The following DNAH1 variants were observed in gnomAD, a reference collection of about 807,000 sequenced individuals.
DNAH1 encodes the protein dynein axonemal heavy chain 1.
In DNAH1, 327 loss-of-function variants were observed where a neutral mutation model predicts 484.3. The observed-to-expected ratio is 0.68, with a 90% CI of 0.62 to 0.74. DNAH1 has a LOEUF of 0.74. Among genes scored for constraint, DNAH1 ranks in the 30% least tolerant of loss-of-function variants. The probability of loss-of-function intolerance (pLI) is 0.00; values close to 1 mark genes in which losing one functional copy is unlikely to be tolerated. For missense variants in DNAH1, 5,052 were observed against 5,546.8 expected, an observed-to-expected ratio of 0.91 and a Z score of 2.83; for synonymous variants, 2,192 against 2,191.9, an observed-to-expected ratio of 1.00 and a Z score of 0.00.
intron 8 of DNAH1, among the ~76,000 whole-genome samples, chr3:52,344,005 A>G (rs746831650): frequency 1.2e-4 from 18 of 152,172 alleles, no homozygotes; most frequent in Non-Finnish European, 2.1e-4. Flanking sequence ...GGGGTCACCC[A>G]CCCTCAGGCC....
At chr3:52,370,915 G>A (rs1411042061) in intron 41 of DNAH1, 90 bp downstream of exon 41, 20 of 1,309,328 alleles carry the variant, frequency 1.5e-5, no homozygotes, top group South Asian at 4.0e-5. Flanking sequence ...ACAGGGAGCC[G>A]TCACATTGAT....
At chr3:52,394,399 G>A (rs1704525316) in intron 66 of DNAH1, 66 bp from the exon 67 acceptor site, 1 of 1,513,818 alleles carries the variant, frequency 6.6e-7, no homozygotes. Context: ...ACTACTGGGT[G>A]GGGGTGCCCA....
At chr3:52,346,405 C>T (rs192180532) in intron 10 of DNAH1, 67 bp from the exon 11 acceptor site, 18 of 1,480,084 alleles carry the variant, frequency 1.2e-5, no homozygotes, top group East Asian at 2.4e-5. Context: ...TGCATAGAGT[C>T]CCTGAGTGCA....
intron 67 of DNAH1, 27 bp downstream of exon 67, chr3:52,394,688 G>T (rs753851176): frequency 1.3e-6 from 2 of 1,547,438 alleles, no homozygotes; most frequent in Non-Finnish European, 1.7e-6. Context: ...AATATGGCAG[G>T]ATGAGCCCAT....
In DNAH1 at chr3:52,353,832, C is replaced by G; in HGVS notation, c.3480+199C>G. ...AAATTCTTGACAGTGTCCACCATTG[C>G]TATTATTTTTCAGTTACTCCTCTCA... On this transcript the variant is annotated intron_variant, in intron 20 of 77. Transcript: ENST00000420323. This position sits in a 1 kb window ranked among gnomAD's most constrained non-coding sequence, Gnocchi z 5.0. 1.4e-6 allele frequency: 1 copy of G among 732,626 alleles called. No individual in the cohort carries two copies. The highest frequency in any genetic ancestry group is 1.9e-5 in the South Asian group (1 of 52,414). The allele number at this position is 732,626 out of a possible 1,614,324, so 45.4% of individuals were successfully genotyped here. A position where few individuals can be genotyped will look rare whatever the true frequency, so the allele number is the denominator to read the frequency against.
intron 44 of DNAH1, among the ~76,000 whole-genome samples, 162 bp downstream of exon 44, chr3:52,373,215 C>T (rs899372820): frequency 9.2e-5 from 14 of 151,854 alleles, no homozygotes; most frequent in Non-Finnish European, 1.6e-4. Flanking sequence ...GGGGGAGGGG[C>T]GGAGAGACGC....
At position 52,388,329 on chromosome 3, in the gene DNAH1, A is replaced by G. The variant is rs969211916; in HGVS notation, c.9166A>G (p.Lys3056Glu). 6.2e-7 allele frequency: 1 copy of G among 1,602,872 alleles called. No individual in the cohort carries two copies. Among genetic ancestry groups the G allele is most frequent in the Admixed American group, 1.7e-5 (1 of 57,978 alleles). The stretch of plus-strand genomic sequence containing the variant: ...CTTTGTGGCCAAGGCCGTGGAGCCC[A>G]AGCGGGTGAGGGCTGAGTGGAGCTG... ...YHFVAKAVEP[K>E]RQALLEAQDD... Residue 3056 changes from lysine to glutamate, a missense_variant, in exon 57 of 78, where the codon AAG becomes GAG. Lys to Glu is a moderately conservative substitution (Grantham distance 56, BLOSUM62 1). Coordinates refer to ENST00000420323, the MANE Select transcript of DNAH1 (RefSeq NM_015512.5).
chr3:52,333,819 C>G (rs1252626475), intron 8 of DNAH1, among the ~76,000 whole-genome samples: 1 of 152,010 alleles, frequency 6.6e-6, no homozygotes, highest in Non-Finnish European at 1.5e-5. Context: ...AGATTTTAAA[C>G]ACTTTATTAT....
Position 52,398,052 on chromosome 3 carries a change from A to G in DNAH1, c.11979A>G (p.Gln3993=). The G allele has an allele frequency of 6.2e-7, 1 of 1,613,816 alleles. No individual in the cohort carries two copies. The highest frequency in any genetic ancestry group is 2.2e-5 in the East Asian group (1 of 44,876). Residue 3993 remains glutamine, a synonymous_variant, in exon 75 of 78, where the codon CAA becomes CAG. Coordinates refer to ENST00000420323, the MANE Select transcript of DNAH1 (RefSeq NM_015512.5). ...TGCAGATAGTGGAGGACGTCACCCA[A>G]AACATTCTGCTCAAGGTGCCTGAGC... ...GREEIVEDVT[Q]NILLKVPEPI... is the part of the protein sequence containing the mutation.
intron 14 of DNAH1, 64 bp from the exon 15 acceptor site, chr3:52,349,925 G>A: frequency 6.5e-7 from 1 of 1,540,742 alleles, no homozygotes; most frequent in South Asian, 1.2e-5. Flanking sequence ...CAAGGAGGAA[G>A]AGCAGGTGAG....
chr3:52,313,937 G>A (rs1292953926), upstream of DNAH1, among the ~76,000 whole-genome samples: 5 of 152,140 alleles, frequency 3.3e-5, no homozygotes, highest in Admixed American at 2.0e-4. Flanking sequence ...TGAGTCATCA[G>A]AATAATCCAG....
intron 52 of DNAH1, 115 bp downstream of exon 52, chr3:52,384,146 T>G: frequency 8.7e-7 from 1 of 1,153,804 alleles, no homozygotes; most frequent in Non-Finnish European, 1.2e-6. Flanking sequence ...GGGTAAGCTT[T>G]TGGTCAGGCT....
chr3:52,382,931 A>G (rs1357738897), intron 50 of DNAH1, among the ~76,000 whole-genome samples: 1 of 152,158 alleles, frequency 6.6e-6, no homozygotes, highest in African/African-American at 2.4e-5. Context: ...AATGTGCCCC[A>G]TCCTAGACAA....
chr3:52,366,022 C>T (rs1473404262), intron 34 of DNAH1, among the ~76,000 whole-genome samples: 1 of 152,236 alleles, frequency 6.6e-6, no homozygotes, highest in African/African-American at 2.4e-5. Context: ...CCCTGTGGGC[C>T]TGGCTTCTGC....
chr3:52,376,320 T>C (rs1703598725), intron 46 of DNAH1, among the ~76,000 whole-genome samples: 1 of 152,212 alleles, frequency 6.6e-6, no homozygotes, highest in Non-Finnish European at 1.5e-5. Flanking sequence ...GGAGCAGGTG[T>C]GCACAGGAAA....
In DNAH1 at chr3:52,347,951, C is replaced by A. The variant is rs751919243; in HGVS notation, c.2083C>A (p.His695Asn). Residue 695 changes from histidine (H) to asparagine (N), a missense_variant, in exon 12 of 78, where the codon CAT becomes AAT. Around this residue, in one of 4 missense-constraint regions of DNAH1, gnomAD observed 1,263 missense variants for 1,218.8 expected, o/e 1.04. Transcript: ENST00000420323. ...NLFDKGILAT[H>N]AVPQLEKLVM... ...CTTCGACAAGGGCATCCTGGCCACC[C>A]ATGCCGTGCCCCAGCTGGAGAAGGT... 1.4e-5 allele frequency: 23 copies of A among 1,610,204 alleles called. No homozygotes were observed. In the Admixed American group the frequency reaches 3.7e-4, roughly 26 times the overall value.
Position 52,365,095 on chromosome 3 carries a change from C to T in DNAH1, c.5518+76C>T, listed in dbSNP as rs1387445507. On this transcript the variant is annotated intron_variant, in intron 34 of 77. Coordinates refer to ENST00000420323, the MANE Select transcript of DNAH1 (RefSeq NM_015512.5). Reference sequence around the variant, plus strand: ...GGAGTCCAGGTCAGGGGGACAGAGACAGGACAGTCCAACCCCAGGGGCCCT... The same window carrying T: ...GGAGTCCAGGTCAGGGGGACAGAGATAGGACAGTCCAACCCCAGGGGCCCT... The T allele has an allele frequency of 1.8e-5, 27 of 1,525,766 alleles. No individual in the cohort carries two copies. The East Asian group carries it at 5.9e-4, about 34-fold the overall frequency. 94.5% of individuals were successfully genotyped at this position (1,525,766 alleles called of 1,614,324 possible). A position where few individuals can be genotyped will look rare whatever the true frequency, so the allele number is the denominator to read the frequency against.
chr3:52,370,776 G>A lies in DNAH1; in HGVS notation c.6476G>A (p.Gly2159Asp). 1 of 1,607,630 alleles carries A rather than the reference G, an allele frequency of 6.2e-7. No individual in the cohort carries two copies. Among genetic ancestry groups the A allele is most frequent in the Non-Finnish European group, 8.5e-7 (1 of 1,177,462 alleles). The part of the protein sequence containing the change: ...LVFDYRLEDA[G>D]ISGTNDSEDE... ...TTCGATTACAGGCTGGAGGACGCGGGCATCAGTGGCACCAACGACAGTGAG... is the reference window on the plus strand; with the variant it reads ...TTCGATTACAGGCTGGAGGACGCGGACATCAGTGGCACCAACGACAGTGAG... Residue 2159 changes from glycine to aspartate, a missense_variant, in exon 41 of 78, where the codon GGC becomes GAC. By Grantham distance (94) the Gly-to-Asp change is moderately conservative. This residue lies in a region of DNAH1 where 2,929 missense variants were observed against 3,409.4 expected (regional missense o/e 0.86). Transcript: ENST00000420323.
rs370590716 is a variant in DNAH1, at chr3:52,386,160, G to C, written c.8626G>C (p.Val2876Leu). The C allele has an allele frequency of 8.1e-6, 13 of 1,611,616 alleles. No individual in the cohort carries two copies. The African/African-American group carries it at 1.7e-4, about 22-fold the overall frequency. The change falls in exon 55 of 78, where the codon GTG becomes CTG. Residue 2876 changes from valine to leucine, a missense_variant and splice_region_variant. Around this residue, in one of 4 missense-constraint regions of DNAH1, gnomAD observed 2,929 missense variants for 3,409.4 expected, o/e 0.86. Coordinates refer to ENST00000420323, the MANE Select transcript of DNAH1 (RefSeq NM_015512.5). Reference protein sequence around the residue: ...DTMLTMEQIKVDTAIAEETRN... With the variant: ...DTMLTMEQIKLDTAIAEETRN... Reference sequence around the variant, plus strand: ...ACATCCCTATGTCTCCCATCCCCAGGTGGATACGGCCATCGCCGAGGAGAC... The same window carrying C: ...ACATCCCTATGTCTCCCATCCCCAGCTGGATACGGCCATCGCCGAGGAGAC...
Sources: allele counts gnomAD v4.1 joint callset (sites outside exome capture counted in the v4.1 genomes callset), GRCh38; gene constraint gnomAD v4.1.1; regional missense constraint gnomAD v4.1.1; non-coding constraint Gnocchi (gnomAD v3.1); transcripts MANE v1.5; gene names NCBI Gene and HGNC (gene_info 2026-07-23, HGNC 2026-07-21).